The following TMEM184A variants were observed in gnomAD, a reference collection of about 807,000 sequenced individuals.
TMEM184A encodes the protein sexually dimorphic, expressed in male gonads 1.
In TMEM184A, 40 loss-of-function variants were observed where a neutral mutation model predicts 39.5. The ratio of observed to expected loss-of-function variants is 1.01; its 90% CI spans 0.79 to 1.32. The LOEUF (loss-of-function observed/expected upper bound fraction) is 1.32, where lower values mean the gene tolerates loss of function less well. Ranked by LOEUF, TMEM184A falls within the 40% of genes most tolerant of loss-of-function variation. The probability of loss-of-function intolerance (pLI) is 0.00; values close to 1 mark genes in which losing one functional copy is unlikely to be tolerated. For missense variants in TMEM184A, 603 were observed against 568.8 expected (o/e 1.06, Z -0.61); for synonymous variants, 280 against 252.3 (o/e 1.11, Z -1.04).
intron 2 of TMEM184A, among the ~76,000 whole-genome samples, chr7:1,551,584 A>C (rs1784599985): frequency 6.6e-6 from 1 of 152,248 alleles, no homozygotes; most frequent in South Asian, 2.1e-4. Flanking sequence ...TATAAGTATG[A>C]ATGTATATGT....
At chr7:1,548,916 G>T (rs774791263) in intron 6 of TMEM184A, 2 of 674,068 alleles carry the variant, frequency 3.0e-6, no homozygotes, top group East Asian at 2.9e-5. Context: ...GGACGTGGCC[G>T]TTCTCCCTAC....
Position 1,547,929 on chromosome 7 carries a change from C to G in TMEM184A, c.825G>C (p.Leu275=). ...IFLSFWQGLL[L]AILERCGVIP... is the part of the protein sequence containing the mutation. ...TGACCCCGCACCGCTCCAGGATGGC[C>G]AGCAGCAGCCCTGCGGACGCCACGG... The change falls in exon 8 of 9, where the codon CTG becomes CTC. Residue 275 remains leucine, a synonymous_variant. Transcript: ENST00000297477. 1 of 1,573,284 alleles carries G rather than the reference C, an allele frequency of 6.4e-7. No homozygotes were observed. Among genetic ancestry groups the G allele is most frequent in the South Asian group, 1.2e-5 (1 of 86,346 alleles).
intron 2 of TMEM184A, among the ~76,000 whole-genome samples, chr7:1,553,315 G>A (rs977732531): frequency 7.2e-5 from 11 of 151,876 alleles, no homozygotes; most frequent in African/African-American, 2.4e-4. Context: ...ACCATGCCCG[G>A]CTAATTTTTG....
chr7:1,549,637 C>T (rs747172450), intron 6 of TMEM184A: 18 of 664,938 alleles, frequency 2.7e-5, no homozygotes, highest in Middle Eastern at 2.7e-4. Context: ...CTGTCTTGGG[C>T]GGGGCCCCTA....
In TMEM184A at chr7:1,550,110, G is replaced by A. The variant is rs1268141786; in HGVS notation, c.552+13C>T. 3.8e-6 allele frequency: 6 copies of A among 1,596,188 alleles called. No individual in the cohort carries two copies. The African/African-American group carries it at 8.0e-5, about 21-fold the overall frequency. ...GGTGGGAGGAGGGCGGGCAGGGCTG[G>A]GTGGCCCCTCACCTGCTTACAGAAG... On this transcript the variant is annotated intron_variant, in intron 5 of 8. Coordinates refer to ENST00000297477, the MANE Select transcript of TMEM184A (RefSeq NM_001097620.2).
In TMEM184A at chr7:1,545,681, C is replaced by T. The variant is rs1423968822; in HGVS notation, c.*1271G>A. ...TACTGTCCCCTGACGGGCCCTGGGC[C>T]TGGGGGGCGCCCTGCAGTGACACCC... On this transcript the variant is annotated 3_prime_UTR_variant, in exon 9 of 9. Coordinates refer to ENST00000297477, the MANE Select transcript of TMEM184A (RefSeq NM_001097620.2). 3 of 152,474 alleles carry T rather than the reference C, an allele frequency of 2.0e-5. No individual in the cohort carries two copies. Among genetic ancestry groups the T allele is most frequent in the Non-Finnish European group, 4.4e-5 (3 of 68,094 alleles). The allele number at this position is 152,474 out of a possible 1,614,324, so 9.4% of individuals were successfully genotyped here. A position where few individuals can be genotyped will look rare whatever the true frequency, so the allele number is the denominator to read the frequency against.
intron 6 of TMEM184A, 200 bp downstream of exon 6, chr7:1,549,654 C>T (rs1209327765): frequency 4.4e-6 from 3 of 688,510 alleles, no homozygotes; most frequent in South Asian, 1.5e-5. Flanking sequence ...CCTAGCCCAG[C>T]CGGACGCCAG....
At chr7:1,549,363 T>G in intron 6 of TMEM184A, 1 of 393,610 alleles carries the variant, frequency 2.5e-6, no homozygotes, top group Admixed American at 2.8e-5. Context: ...TTCGCAGGGG[T>G]CCTCCTTGTG....
chr7:1,554,179 A>G (rs1464013846), intron 2 of TMEM184A, among the ~76,000 whole-genome samples: 1 of 152,072 alleles, frequency 6.6e-6, no homozygotes, highest in Non-Finnish European at 1.5e-5. Flanking sequence ...CGATCCTCCC[A>G]TCTCAGCCTC....
intron 1 of TMEM184A, 22 bp downstream of exon 1, chr7:1,556,092 C>T (rs937953786): frequency 2.6e-5 from 4 of 156,178 alleles, no homozygotes; most frequent in South Asian, 2.0e-4. Flanking sequence ...CTCTGGTCTG[C>T]GGTCACAGGG....
Position 1,548,894 on chromosome 7 carries a change from G to T in TMEM184A, c.645-206C>A, listed in dbSNP as rs116749141. The stretch of plus-strand genomic sequence containing the variant: ...TGGGGGTGGCTGGGGGGCCTATGCA[G>T]GGGTAGGGCAGGGACGTGGCCGTTC... On this transcript the variant is annotated intron_variant, in intron 6 of 8. Coordinates refer to ENST00000297477, the MANE Select transcript of TMEM184A (RefSeq NM_001097620.2). 520 of 712,752 alleles carry T rather than the reference G, an allele frequency of 7.3e-4. 3 individuals are homozygous for T. In the African/African-American group the frequency reaches 8.1e-3, roughly 11 times the overall value. The allele number at this position is 712,752 out of a possible 1,614,324, so 44.2% of individuals were successfully genotyped here.
intron 2 of TMEM184A, 65 bp from the exon 3 acceptor site, chr7:1,551,047 G>A: frequency 2.0e-6 from 3 of 1,512,310 alleles, no homozygotes; most frequent in Middle Eastern, 2.4e-4. Flanking sequence ...GCCCAGGTGA[G>A]CCGGGAAGGA....
intron 2 of TMEM184A, among the ~76,000 whole-genome samples, chr7:1,552,386 G>A (rs188535266): frequency 2.0e-5 from 3 of 152,168 alleles, no homozygotes; most frequent in African/African-American, 4.8e-5. Flanking sequence ...ACCCATTAAC[G>A]TCTCCATTAT....
At chr7:1,550,757 A>T in intron 3 of TMEM184A, 60 bp downstream of exon 3, 2 of 1,588,102 alleles carry the variant, frequency 1.3e-6, no homozygotes, top group Non-Finnish European at 1.7e-6. Flanking sequence ...GTGTGCGTGC[A>T]CGCAGGCCCC....
rs1424049780 is a variant in TMEM184A at position 1,550,305 on chromosome 7, T to C, written c.476A>G (p.Lys159Arg). Residue 159 changes from lysine (K) to arginine (R), a missense_variant and splice_region_variant, in exon 4 of 9, where the codon AAG becomes AGG. By Grantham distance (26) the Lys-to-Arg change is conservative (BLOSUM62 2). Coordinates refer to ENST00000297477, the MANE Select transcript of TMEM184A (RefSeq NM_001097620.2). ...IMAEIRGKPI[K>R]SSCLYGTCCL... Reference sequence around the variant, plus strand: ...GGGGGCTCTGGGGTGACGGGCTTACTTGATGGGCTTTCCACGAATCTCAGC... The same window carrying C: ...GGGGGCTCTGGGGTGACGGGCTTACCTGATGGGCTTTCCACGAATCTCAGC... 8.1e-6 allele frequency: 13 copies of C among 1,612,758 alleles called. No individual in the cohort carries two copies. The highest frequency in any genetic ancestry group is 1.0e-5 in the Non-Finnish European group (12 of 1,179,688).
Position 1,550,415 on chromosome 7 carries a change from G to C in TMEM184A, c.386-20C>G, listed in dbSNP as rs567378009. 18 of 1,596,560 alleles carry C rather than the reference G, an allele frequency of 1.1e-5. No individual in the cohort carries two copies. The African/African-American group carries it at 2.4e-4, about 21-fold the overall frequency. On this transcript the variant is annotated intron_variant, in intron 3 of 8. Coordinates refer to ENST00000297477, the MANE Select transcript of TMEM184A (RefSeq NM_001097620.2). Reference sequence around the variant, plus strand: ...CAAAGGCTGCAGGGAGCACAGAGGGGGACCGGCTGTGAGCCCTGAGCTGCA... The same window carrying C: ...CAAAGGCTGCAGGGAGCACAGAGGGCGACCGGCTGTGAGCCCTGAGCTGCA...
intron 3 of TMEM184A, among the ~76,000 whole-genome samples, 166 bp from the exon 4 acceptor site, chr7:1,550,561 G>T (rs1784549882): frequency 6.6e-6 from 1 of 152,134 alleles, no homozygotes; most frequent in South Asian, 2.1e-4. Flanking sequence ...AGCCTGAGAG[G>T]GTCAGGGTGC....
At chr7:1,550,647 C>T (rs1583219590) in intron 3 of TMEM184A, among the ~76,000 whole-genome samples, 170 bp downstream of exon 3, 1 of 152,094 alleles carries the variant, frequency 6.6e-6, no homozygotes, top group Non-Finnish European at 1.5e-5. Context: ...TGGGGTCAGT[C>T]GTGTGTTCCA....
intron 7 of TMEM184A, 61 bp from the exon 8 acceptor site, chr7:1,548,000 C>G: frequency 5.3e-6 from 8 of 1,510,344 alleles, no homozygotes; most frequent in Non-Finnish European, 7.1e-6. Context: ...GAGGAAGAGG[C>G]CCCAGACCCC....
Sources: allele counts gnomAD v4.1 joint callset (sites outside exome capture counted in the v4.1 genomes callset), GRCh38; gene constraint gnomAD v4.1.1; transcripts MANE v1.5; gene names NCBI Gene and HGNC (gene_info 2026-07-23, HGNC 2026-07-21).